IPO11: variants seen among roughly 807,000 people sequenced by gnomAD.
The protein encoded by IPO11 is importin-11.
IPO11 carries 66 observed loss-of-function variants against 143.2 expected under a neutral mutation model. That is an observed-to-expected ratio of 0.46 (90% CI 0.38 to 0.57). IPO11 has a LOEUF of 0.57. Among genes scored for constraint, IPO11 ranks in the 20% least tolerant of loss-of-function variants. IPO11 has a pLI of 0.00. For missense variants in IPO11, 1,026 were observed against 1,141.0 expected, an observed-to-expected ratio of 0.90 and a Z score of 1.45; for synonymous variants, 385 against 377.8, an observed-to-expected ratio of 1.02 and a Z score of -0.22.
At chr5:62,531,786 C>G (rs903082876) in intron 22 of IPO11, among the ~76,000 whole-genome samples, 3 of 152,144 alleles carry the variant, frequency 2.0e-5, no homozygotes, top group African/African-American at 7.2e-5. Flanking sequence ...CACATTTTCT[C>G]CTAAATTTTT....
chr5:62,566,869 T>TA (rs1246758511), intron 27 of IPO11, among the ~76,000 whole-genome samples: 14 of 152,100 alleles, frequency 9.2e-5, no homozygotes, highest in Admixed American at 3.3e-4. Flanking sequence ...TGTATATATA[T>TA]TTTTTAGTGG....
intron 3 of IPO11, among the ~76,000 whole-genome samples, chr5:62,446,679 T>C (rs1744731312): frequency 6.6e-6 from 1 of 152,178 alleles, no homozygotes; most frequent in South Asian, 2.1e-4. Flanking sequence ...TACAAATATC[T>C]TCTCCTAGGC....
At chr5:62,492,969 A>G (rs777373240) in intron 15 of IPO11, among the ~76,000 whole-genome samples, 1 of 152,238 alleles carries the variant, frequency 6.6e-6, no homozygotes, top group Non-Finnish European at 1.5e-5. Flanking sequence ...TAAAATTTAC[A>G]TAATATCAAA....
chr5:62,504,108 C>G (rs1444688350), intron 16 of IPO11, among the ~76,000 whole-genome samples: 1 of 152,144 alleles, frequency 6.6e-6, no homozygotes, highest in Non-Finnish European at 1.5e-5. Context: ...TGCTGGTACA[C>G]ATGGAAAATA....
intron 6 of IPO11, 106 bp downstream of exon 6, chr5:62,467,369 A>G: frequency 8.1e-7 from 1 of 1,227,408 alleles, no homozygotes; most frequent in East Asian, 2.4e-5. Context: ...CTGGAAAAAT[A>G]AGAGGTTTAT....
At chr5:62,572,432 T>G (rs1310474012) in intron 27 of IPO11, among the ~76,000 whole-genome samples, 3 of 152,332 alleles carry the variant, frequency 2.0e-5, no homozygotes, top group African/African-American at 7.2e-5. Context: ...ATTGGAAGTA[T>G]TATTTGGTGT....
intron 22 of IPO11, among the ~76,000 whole-genome samples, chr5:62,534,673 G>A (rs1182101287): frequency 6.6e-6 from 1 of 152,038 alleles, no homozygotes; most frequent in Admixed American, 6.6e-5. Flanking sequence ...TTGACATTTG[G>A]GTCAGGTAAT....
intron 1 of IPO11, among the ~76,000 whole-genome samples, chr5:62,420,291 CAA>C (rs1187591087): frequency 4.5e-4 from 31 of 68,954 alleles, no homozygotes; most frequent in African/African-American, 7.6e-4. Context: ...AGCTCCGTCT[CAA>C]AAAAAAAAAA....
intron 1 of IPO11, among the ~76,000 whole-genome samples, chr5:62,413,689 C>T (rs903727784): frequency 1.3e-5 from 2 of 152,170 alleles, no homozygotes; most frequent in Non-Finnish European, 2.9e-5. Flanking sequence ...TAAACGAGCT[C>T]AGTTGTAGCG....
chr5:62,579,119 C>A (rs1744440543), intron 27 of IPO11, among the ~76,000 whole-genome samples: 1 of 152,012 alleles, frequency 6.6e-6, no homozygotes, highest in African/African-American at 2.4e-5. Context: ...ATTCCTACAT[C>A]ATTTGTCACC....
At chr5:62,620,907 A>C (rs911901115) in intron 29 of IPO11, among the ~76,000 whole-genome samples, 1 of 152,192 alleles carries the variant, frequency 6.6e-6, no homozygotes, top group Non-Finnish European at 1.5e-5. Context: ...TGGGTGGCGG[A>C]GGGCCTTACA....
At chr5:62,594,118 C>CT (rs758600607) in intron 28 of IPO11, among the ~76,000 whole-genome samples, 9 of 152,292 alleles carry the variant, frequency 5.9e-5, no homozygotes, top group South Asian at 2.1e-4. Flanking sequence ...GAAGAAAACT[C>CT]TATTTCCTTC....
chr5:62,602,508 C>A (rs1031638150), intron 29 of IPO11, among the ~76,000 whole-genome samples: 1 of 152,074 alleles, frequency 6.6e-6, no homozygotes, highest in Non-Finnish European at 1.5e-5. Context: ...ATTATACCTT[C>A]TTTCCTCATT....
intron 29 of IPO11, among the ~76,000 whole-genome samples, chr5:62,613,407 A>G (rs1201014634): frequency 7.0e-6 from 1 of 143,798 alleles, no homozygotes; most frequent in Non-Finnish European, 1.5e-5. Flanking sequence ...GGCTCAAGCC[A>G]TCCTCCCACC....
At chr5:62,503,047 A>T (rs1159743710) in intron 16 of IPO11, among the ~76,000 whole-genome samples, 1 of 151,560 alleles carries the variant, frequency 6.6e-6, no homozygotes, top group Non-Finnish European at 1.5e-5. Context: ...CTGGTCTCGA[A>T]CTCCTGGCCT....
chr5:62,606,085 G>C (rs936611733), intron 29 of IPO11, among the ~76,000 whole-genome samples: 1 of 152,012 alleles, frequency 6.6e-6, no homozygotes, highest in African/African-American at 2.4e-5. Flanking sequence ...AAAACTGTAT[G>C]TATCTGTGGT....
chr5:62,416,182 C>CTTTTTTTTTTTTTTT (rs869236693), intron 1 of IPO11, among the ~76,000 whole-genome samples: 10 of 123,472 alleles, frequency 8.1e-5, no homozygotes, highest in Admixed American at 1.8e-4. Flanking sequence ...TTTTTCTTTT[C>CTTTTTTTTTTTTTTT]TTTTTTTTTT....
intron 20 of IPO11, among the ~76,000 whole-genome samples, chr5:62,523,394 G>A (rs909156037): frequency 6.6e-6 from 1 of 152,140 alleles, no homozygotes; most frequent in Non-Finnish European, 1.5e-5. Context: ...GGTCAGGAAG[G>A]CTAAGCGAAC....
chr5:62,456,101 T>C (rs1206328204), intron 5 of IPO11, among the ~76,000 whole-genome samples: 1 of 151,936 alleles, frequency 6.6e-6, no homozygotes, highest in Non-Finnish European at 1.5e-5. Context: ...CGACCTTGGC[T>C]CACTGTAACC....
Sources: gnomAD v4.1 joint callset for allele counts (sites outside exome capture counted in the v4.1 genomes callset) on GRCh38, gnomAD v4.1.1 for gene constraint, MANE v1.5 for transcripts, NCBI Gene and HGNC (gene_info 2026-07-23, HGNC 2026-07-21) for gene names.